Variants in PHF19 observed in about 807,000 individuals in gnomAD.
The protein encoded by PHF19 is polycomb like 3.
A neutral mutation model predicts 79.8 loss-of-function variants in PHF19; 21 were observed. The ratio of observed to expected loss-of-function variants is 0.26; its 90% confidence interval spans 0.19 to 0.38. PHF19 has a LOEUF of 0.38. Ranked by LOEUF, PHF19 falls within the 10% of genes least tolerant of loss-of-function variation. The probability of loss-of-function intolerance (pLI) is 1.00; values close to 1 mark genes in which losing one functional copy is unlikely to be tolerated. For synonymous variants in PHF19, 273 were observed against 296.3 expected (o/e 0.92, Z 0.81); for missense variants, 445 against 744.2 (o/e 0.60, Z 4.68).
chr9:120,873,579 C>G (rs1396031838), intron 3 of PHF19, among the ~76,000 whole-genome samples: 1 of 152,226 alleles, frequency 6.6e-6, no homozygotes, highest in Non-Finnish European at 1.5e-5. Context: ...GGACACTGTG[C>G]TTGCATCTAG....
In PHF19 at chr9:120,869,151, C is replaced by A. The variant is rs182216744; in HGVS notation, c.614+31G>T. The A allele has an allele frequency of 2.5e-6, 4 of 1,584,822 alleles. No individual in the cohort carries two copies. Among genetic ancestry groups the A allele is most frequent in the East Asian group, 4.6e-5 (2 of 43,934 alleles). On this transcript the variant is annotated intron_variant, in intron 6 of 14. Coordinates refer to ENST00000373896, the MANE Select transcript of PHF19 (RefSeq NM_015651.3). This position sits in a 1 kb window ranked among gnomAD's most constrained non-coding sequence, Gnocchi z 5.8. Reference sequence around the variant, plus strand: ...TGGCGATTCTTGGAGACCTGCCCTGCCGCCCGGGGGGCCCTGACCCCCTGC... The same window carrying A: ...TGGCGATTCTTGGAGACCTGCCCTGACGCCCGGGGGGCCCTGACCCCCTGC...
In PHF19 at chr9:120,860,645, T is replaced by C. The variant is rs183979729; in HGVS notation, c.1304+444A>G. ...AAAATACTAAATGACCTTTAATAAT[T>C]TGGAAAATAAAATGATGGAAGATGC... is the stretch of plus-strand genomic sequence containing the variant. On this transcript the variant is annotated intron_variant, in intron 13 of 14. Transcript: ENST00000373896. This position sits in a 1 kb window ranked among gnomAD's most constrained non-coding sequence, Gnocchi z 4.1. The C allele has an allele frequency of 2.3e-4, 50 of 220,520 alleles. No individual in the cohort carries two copies. The highest frequency in any genetic ancestry group is 1.1e-3 in the African/African-American group (47 of 44,606). The allele number at this position is 220,520 out of a possible 1,614,324, so 13.7% of individuals were successfully genotyped here.
chr9:120,878,468 C>G (rs937263249), upstream of PHF19, among the ~76,000 whole-genome samples: 2 of 152,218 alleles, frequency 1.3e-5, no homozygotes, highest in African/African-American at 4.8e-5. Context: ...TGCAGACACC[C>G]CCACCAGACA....
Position 120,869,382 on chromosome 9 carries a change from G to T in PHF19, c.466-52C>A. The T allele has an allele frequency of 6.3e-7, 1 of 1,577,344 alleles. No individual in the cohort carries two copies. Among genetic ancestry groups the T allele is most frequent in the South Asian group, 1.1e-5 (1 of 87,064 alleles). On this transcript the variant is annotated intron_variant, in intron 5 of 14. Coordinates refer to ENST00000373896, the MANE Select transcript of PHF19 (RefSeq NM_015651.3). This position sits in a 1 kb window ranked among gnomAD's most constrained non-coding sequence, Gnocchi z 5.8. Reference sequence around the variant, plus strand: ...ACCACCAGGTCCGGGTGGACCACGCGAGTCAGCACGCGGCTGTCTATTGAG... The same window carrying T: ...ACCACCAGGTCCGGGTGGACCACGCTAGTCAGCACGCGGCTGTCTATTGAG...
chr9:120,882,632 C>T (rs1053862674), intron 1 of PHF19, among the ~76,000 whole-genome samples: 10 of 151,824 alleles, frequency 6.6e-5, no homozygotes, highest in Non-Finnish European at 1.2e-4. Context: ...ACCTGAGGTC[C>T]GGAGTTCAAG....
At chr9:120,868,784 A>G (rs2045786238) in intron 6 of PHF19, 1 of 954,388 alleles carries the variant, frequency 1.0e-6, no homozygotes, top group Non-Finnish European at 1.2e-6. Flanking sequence ...GCCCCTCCAC[A>G]GGGTGCTTCT....
Position 120,862,045 on chromosome 9 carries a change from C to T in PHF19, c.1131-40G>A. 6.8e-7 allele frequency: 1 copy of T among 1,479,750 alleles called. No homozygotes were observed. 91.7% of individuals were successfully genotyped at this position (1,479,750 alleles called of 1,614,324 possible). ...GAGGGAGAAGGTGGCCCCGTCAGAG[C>T]CTGAGGGCCCTAGGGTGGCCCAGAG... On this transcript the variant is annotated intron_variant, in intron 11 of 14. Coordinates refer to ENST00000373896, the MANE Select transcript of PHF19 (RefSeq NM_015651.3). This position sits in a 1 kb window ranked among gnomAD's most constrained non-coding sequence, Gnocchi z 4.6.
In PHF19 at chr9:120,860,981, T is replaced by C; in HGVS notation, c.1304+108A>G. The stretch of plus-strand genomic sequence containing the variant: ...GAAAGCTCTACTGCAAAAAGCCCCT[T>C]CAGACAGACCTGCACAGCAGGGATC... On this transcript the variant is annotated intron_variant, in intron 13 of 14. Coordinates refer to ENST00000373896, the MANE Select transcript of PHF19 (RefSeq NM_015651.3). This position sits in a 1 kb window ranked among gnomAD's most constrained non-coding sequence, Gnocchi z 4.1. The C allele has an allele frequency of 1.3e-6, 1 of 748,298 alleles. No homozygotes were observed. The highest frequency in any genetic ancestry group is 2.5e-5 in the East Asian group (1 of 40,340). 46.4% of individuals were successfully genotyped at this position (748,298 alleles called of 1,614,324 possible). A position where few individuals can be genotyped will look rare whatever the true frequency, so the allele number is the denominator to read the frequency against.
Position 120,870,584 on chromosome 9 carries a change from A to G in PHF19, c.269-46T>C. On this transcript the variant is annotated intron_variant, in intron 3 of 14. Transcript: ENST00000373896. This position sits in a 1 kb window ranked among gnomAD's most constrained non-coding sequence, Gnocchi z 4.4. ...GGTCGGGTCCAGCTCACAGGAATGG[A>G]AGTTTTATACTCACATTCCAGATGC... The G allele has an allele frequency of 4.4e-6, 5 of 1,125,402 alleles. No individual in the cohort carries two copies. The highest frequency in any genetic ancestry group is 6.8e-6 in the Non-Finnish European group (5 of 734,432). 69.7% of individuals were successfully genotyped at this position (1,125,402 alleles called of 1,614,324 possible).
At chr9:120,876,706 C>A (rs532064116) in intron 1 of PHF19, among the ~76,000 whole-genome samples, 5 of 152,314 alleles carry the variant, frequency 3.3e-5, no homozygotes, top group Admixed American at 1.3e-4. Flanking sequence ...AGAAGCACCC[C>A]CTTCGGGTTC....
intron 1 of PHF19, among the ~76,000 whole-genome samples, chr9:120,889,698 T>C (rs1473725731): frequency 6.6e-6 from 1 of 151,608 alleles, no homozygotes; most frequent in Admixed American, 6.6e-5. Context: ...TGAGCCATGA[T>C]TGTGCCACTG....
intron 6 of PHF19, among the ~76,000 whole-genome samples, chr9:120,867,410 A>G (rs1192054055): frequency 6.6e-6 from 1 of 152,246 alleles, no homozygotes; most frequent in Non-Finnish European, 1.5e-5. Flanking sequence ...CGGGGGCAAG[A>G]CTACATCTGG....
chr9:120,876,875 C>T, intron 1 of PHF19: 1 of 481,332 alleles, frequency 2.1e-6, no homozygotes, highest in South Asian at 8.9e-5. Flanking sequence ...CGACCTGTCA[C>T]CCATGCCCCC....
chr9:120,877,913 C>T (rs2046113599), upstream of PHF19, among the ~76,000 whole-genome samples: 1 of 152,154 alleles, frequency 6.6e-6, no homozygotes, highest in Non-Finnish European at 1.5e-5. Flanking sequence ...CAGAGACACA[C>T]AACAGAACAT....
At chr9:120,894,801 T>C in exon 1 of PHF19, 1 of 1,230,486 alleles carries the variant, frequency 8.1e-7, no homozygotes, top group Non-Finnish European at 1.0e-6. Context: ...GGCGCTGGGA[T>C]AGGGACCACG....
At chr9:120,865,619 G>A (rs2045676007) in intron 9 of PHF19, 91 bp downstream of exon 9, 7 of 1,466,936 alleles carry the variant, frequency 4.8e-6, no homozygotes, top group Admixed American at 1.8e-5. Context: ...TCAAGGGTGA[G>A]AGTTCAGAGA....
In PHF19 at chr9:120,874,316, C is replaced by T. The variant is rs1019372155; in HGVS notation, c.186+240G>A. 6.6e-6 allele frequency among the ~76,000 whole-genome samples: 1 copy of T among 152,132 alleles called. No homozygotes were observed. Among genetic ancestry groups the T allele is most frequent in the African/African-American group, 2.4e-5 (1 of 41,412 alleles). On this transcript the variant is annotated intron_variant, in intron 2 of 14. Coordinates refer to ENST00000373896, the MANE Select transcript of PHF19 (RefSeq NM_015651.3). This position sits in a 1 kb window ranked among gnomAD's most constrained non-coding sequence, Gnocchi z 4.5. Reference sequence around the variant, plus strand: ...ATGCTCCTCTGTGATCCTCTCAAACCTGACTTTTTTGTTTTGTAGGCTCTC... The same window carrying T: ...ATGCTCCTCTGTGATCCTCTCAAACTTGACTTTTTTGTTTTGTAGGCTCTC...
upstream of PHF19, among the ~76,000 whole-genome samples, chr9:120,899,704 G>T (rs1282503548): frequency 1.3e-5 from 2 of 152,114 alleles, no homozygotes; most frequent in Non-Finnish European, 2.9e-5. Flanking sequence ...TGTCTCACTG[G>T]GGCTAAGCTT....
At position 120,861,155 on chromosome 9, in the gene PHF19, C is replaced by T. The variant is rs2045510841; in HGVS notation, c.1238G>A (p.Trp413Ter). ...AIPSSDFTSA[W>*]STNHHLASIF... ...GCTAGCCAGGTGGTGGTTGGTGCTC[C>T]AGGCTGAGGTGAAGTCACTCTGTGG... is the stretch of plus-strand genomic sequence containing the variant. The change falls in exon 13 of 15, where the codon TGG (tryptophan) becomes TAG (stop). Residue 413 changes from tryptophan to a stop codon, truncating the protein, a stop_gained. Coordinates refer to ENST00000373896, the MANE Select transcript of PHF19 (RefSeq NM_015651.3). LOFTEE classifies it high-confidence loss of function. The T allele has an allele frequency of 6.2e-7, 1 of 1,605,578 alleles. No individual in the cohort carries two copies. Among genetic ancestry groups the T allele is most frequent in the Non-Finnish European group, 8.5e-7 (1 of 1,172,288 alleles).
Sources: allele counts gnomAD v4.1 joint callset (sites outside exome capture counted in the v4.1 genomes callset), GRCh38; gene constraint gnomAD v4.1.1; non-coding constraint Gnocchi (gnomAD v3.1); transcripts MANE v1.5; gene names NCBI Gene and HGNC (gene_info 2026-07-23, HGNC 2026-07-21).